The following DRC7 variants were observed in gnomAD, a reference collection of about 807,000 sequenced individuals.
The protein encoded by DRC7 is coiled-coil domain containing 135.
In DRC7, 80 loss-of-function variants were observed where a neutral mutation model predicts 104.4. The observed-to-expected ratio is 0.77, with a 90% CI of 0.64 to 0.92. The LOEUF (loss-of-function observed/expected upper bound fraction) is 0.92, where lower values mean the gene tolerates loss of function less well. Ranked by LOEUF, DRC7 falls within the 40% of genes least tolerant of loss-of-function variation. The pLI is 0.00. For synonymous variants in DRC7, 405 were observed against 447.3 expected (o/e 0.91, Z 1.19); for missense variants, 1,034 against 1,141.1 (o/e 0.91, Z 1.35).
intron 3 of DRC7, 82 bp downstream of exon 3, chr16:57,698,234 GTCT>G: frequency 6.3e-7 from 1 of 1,588,724 alleles, no homozygotes; most frequent in South Asian, 1.1e-5. Flanking sequence ...CTGGTGCCTG[GTCT>G]GGTAGGGTGA....
chr16:57,727,533 G>T, intron 16 of DRC7, 124 bp downstream of exon 16: 1 of 681,774 alleles, frequency 1.5e-6, no homozygotes. Flanking sequence ...TTGATACCAT[G>T]CGGTCATCCT....
chr16:57,701,838 C>G, intron 5 of DRC7, 98 bp from the exon 6 acceptor site: 1 of 1,100,360 alleles, frequency 9.1e-7, no homozygotes, highest in South Asian at 1.5e-5. Flanking sequence ...TGCATTGGTC[C>G]TGGCTCCCCA....
chr16:57,724,596 A>C lies in DRC7; in HGVS notation c.1538-19A>C, dbSNP rs12598604. On this transcript the variant is annotated intron_variant, in intron 12 of 18. Coordinates refer to ENST00000360716, the MANE Select transcript of DRC7 (RefSeq NM_001289162.2). Reference sequence around the variant, plus strand: ...GTGCTTATGAAGCTGTCTCCTCCCAACTCCCGCTCCCCACCCAGTGCACTC... The same window carrying C: ...GTGCTTATGAAGCTGTCTCCTCCCACCTCCCGCTCCCCACCCAGTGCACTC... 257,160 of 1,576,242 alleles carry C rather than the reference A, an allele frequency of 0.16. 22,325 individuals are homozygous for C. The highest frequency in any genetic ancestry group is 0.3 in the East Asian group (13,257 of 44,432).
intron 15 of DRC7, 126 bp downstream of exon 15, chr16:57,727,068 C>A: frequency 2.9e-6 from 2 of 680,444 alleles, no homozygotes; most frequent in Non-Finnish European, 5.2e-6. Context: ...TCAGGTGGTC[C>A]TCCCACCTCA....
At chr16:57,718,860 G>A (rs2048873401) in intron 9 of DRC7, among the ~76,000 whole-genome samples, 1 of 151,998 alleles carries the variant, frequency 6.6e-6, no homozygotes, top group African/African-American at 2.4e-5. Flanking sequence ...GTGGTGGCAT[G>A]CACCTGTTGT....
chr16:57,726,435 ATCTGGGGACCCT>A (rs2048966608), intron 14 of DRC7, 152 bp downstream of exon 14: 1 of 669,032 alleles, frequency 1.5e-6, no homozygotes, highest in Admixed American at 2.9e-5. Flanking sequence ...AAAAGTTCCC[ATCTGGGGACCCT>A]TCTCTTTGAG....
chr16:57,723,470 C>T (rs2048928721), intron 12 of DRC7, among the ~76,000 whole-genome samples: 1 of 152,212 alleles, frequency 6.6e-6, no homozygotes, highest in Admixed American at 6.5e-5. Flanking sequence ...CAGGGGCTCA[C>T]ACCTGTAATC....
chr16:57,721,547 C>A (rs896147777), intron 9 of DRC7, 120 bp from the exon 10 acceptor site: 2 of 715,428 alleles, frequency 2.8e-6, no homozygotes, highest in South Asian at 3.4e-5. Flanking sequence ...TCCAGTTCCC[C>A]TGCGGAAGCC....
intron 9 of DRC7, among the ~76,000 whole-genome samples, chr16:57,718,853 G>T (rs1422268652): frequency 6.6e-6 from 1 of 152,028 alleles, no homozygotes; most frequent in African/African-American, 2.4e-5. Flanking sequence ...GCTGGCTGTG[G>T]TGGCATGCAC....
In DRC7 at chr16:57,723,026, A is replaced by C. The variant is rs780238832; in HGVS notation, c.1433A>C (p.Glu478Ala). 1 of 1,613,864 alleles carries C rather than the reference A, an allele frequency of 6.2e-7. No individual in the cohort carries two copies. Among genetic ancestry groups the C allele is most frequent in the Non-Finnish European group, 8.5e-7 (1 of 1,179,996 alleles). Residue 478 changes from glutamate (E) to alanine (A), a missense_variant, in exon 12 of 19, where the codon GAG (glutamate) becomes GCG (alanine). Coordinates refer to ENST00000360716, the MANE Select transcript of DRC7 (RefSeq NM_001289162.2). The stretch of plus-strand genomic sequence containing the variant: ...GGTACCAATATTTTGGAGATAAAGG[A>C]GTGGTACCAGAACCGGGAAGACATG... ...LQCTNILEIK[E>A]WYQNREDMLE...
chr16:57,704,021 TCTCAG>T (rs1306477161), intron 6 of DRC7, among the ~76,000 whole-genome samples: 2 of 146,948 alleles, frequency 1.4e-5, no homozygotes, highest in Non-Finnish European at 3.0e-5. Flanking sequence ...GCATCTCAGC[TCTCAG>T]CTCAGCCAAA....
Position 57,718,466 on chromosome 16 carries a change from G to C in DRC7, c.1197G>C (p.Val399=). 1 of 1,613,962 alleles carries C rather than the reference G, an allele frequency of 6.2e-7. No homozygotes were observed. Among genetic ancestry groups the C allele is most frequent in the Non-Finnish European group, 8.5e-7 (1 of 1,179,874 alleles). Residue 399 remains valine (V), a synonymous_variant, in exon 9 of 19, where the codon GTG becomes GTC. Transcript: ENST00000360716. ...DDSGINDEDD[V]ENLGKEDEDK... ...GTGGGATAAACGATGAGGATGATGTGGAAAATCTGGTGAGTCTCAGCAGCT... is the reference window on the plus strand; with the variant it reads ...GTGGGATAAACGATGAGGATGATGTCGAAAATCTGGTGAGTCTCAGCAGCT...
intron 16 of DRC7, 61 bp from the exon 17 acceptor site, chr16:57,728,329 A>C (rs1328626105): frequency 2.1e-6 from 3 of 1,452,376 alleles, no homozygotes; most frequent in Non-Finnish European, 2.8e-6. Context: ...GCTGATGCAG[A>C]GCTGGTGGAG....
intron 9 of DRC7, among the ~76,000 whole-genome samples, chr16:57,719,501 CCAGT>C (rs1189308538): frequency 2.0e-5 from 3 of 152,012 alleles, no homozygotes; most frequent in Non-Finnish European, 2.9e-5. Context: ...TATAAGGACA[CCAGT>C]CATTTTTCTT....
Position 57,728,434 on chromosome 16 carries a change from G to A in DRC7, c.2241G>A (p.Gln747=). The part of the protein sequence containing the change: ...HEEHLRQVET[Q]LDYLAPFLAQ... ...AGCACCTGCGGCAGGTGGAGACCCA[G>A]CTGGACTACCTGGCCCCATTCCTGG... Residue 747 remains glutamine (Q), a synonymous_variant, in exon 17 of 19, where the codon CAG becomes CAA. Transcript: ENST00000360716. 1.2e-6 allele frequency: 2 copies of A among 1,610,694 alleles called. No homozygotes were observed. Among genetic ancestry groups the A allele is most frequent in the Non-Finnish European group, 1.7e-6 (2 of 1,178,946 alleles).
intron 9 of DRC7, 150 bp from the exon 10 acceptor site, chr16:57,721,517 C>A: frequency 1.6e-6 from 1 of 631,042 alleles, no homozygotes; most frequent in Non-Finnish European, 2.8e-6. Flanking sequence ...TTTTCCACAT[C>A]ATGGGTCGTG....
Position 57,707,573 on chromosome 16 carries a change from A to G in DRC7, c.972A>G (p.Thr324=), listed in dbSNP as rs1163912401. The G allele has an allele frequency of 6.2e-5, 100 of 1,613,642 alleles. No homozygotes were observed. The highest frequency in any genetic ancestry group is 8.3e-5 in the Non-Finnish European group (98 of 1,180,016). The change falls in exon 8 of 19, where the codon ACA becomes ACG. Residue 324 remains threonine (T), a synonymous_variant. Coordinates refer to ENST00000360716, the MANE Select transcript of DRC7 (RefSeq NM_001289162.2). The part of the protein sequence containing the change: ...VPENFFIDPF[T]GHSYSTQDEH... ...AGAACTTCTTCATCGACCCATTCACAGGACATAGCTACAGCACCCAGGATG... is the reference window on the plus strand; with the variant it reads ...AGAACTTCTTCATCGACCCATTCACGGGACATAGCTACAGCACCCAGGATG...
At chr16:57,714,631 C>T (rs918472643) in intron 8 of DRC7, 6 of 176,724 alleles carry the variant, frequency 3.4e-5, no homozygotes, top group African/African-American at 1.5e-4. Flanking sequence ...CTCTCTCTCT[C>T]TGTCACACAC....
chr16:57,698,424 C>T (rs1386136451), intron 3 of DRC7, among the ~76,000 whole-genome samples: 1 of 152,176 alleles, frequency 6.6e-6, no homozygotes, highest in African/African-American at 2.4e-5. Flanking sequence ...CTGTGTCTCA[C>T]ATCTGTAGTC....
Sources: gnomAD v4.1 joint callset for allele counts (sites outside exome capture counted in the v4.1 genomes callset) on GRCh38, gnomAD v4.1.1 for gene constraint, MANE v1.5 for transcripts, NCBI Gene and HGNC (gene_info 2026-07-23, HGNC 2026-07-21) for gene names.